Variants in PWP1 observed in about 807,000 individuals in gnomAD.
PWP1 encodes the protein periodic tryptophan protein 1 homolog.
Under a neutral mutation model 69.9 loss-of-function variants are expected in PWP1, and 47 were observed. That is an observed-to-expected ratio of 0.67 (90% CI 0.53 to 0.86). The LOEUF (loss-of-function observed/expected upper bound fraction) is 0.86. PWP1 is among the 40% of genes least tolerant of loss of function. The pLI, the probability that PWP1 is intolerant of heterozygous loss-of-function variation, is 0.00. For missense variants in PWP1, 551 were observed against 608.8 expected, an observed-to-expected ratio of 0.91 and a Z score of 1.00; for synonymous variants, 222 against 208.2, an observed-to-expected ratio of 1.07 and a Z score of -0.57.
intron 8 of PWP1, among the ~76,000 whole-genome samples, chr12:107,700,449 C>G (rs1327472935): frequency 1.3e-5 from 2 of 152,144 alleles, no homozygotes; most frequent in Admixed American, 1.3e-4. Flanking sequence ...TACTTCTTTG[C>G]AACTGGCTTA....
chr12:107,695,051 C>T (rs551907961), intron 5 of PWP1, among the ~76,000 whole-genome samples: 1 of 149,720 alleles, frequency 6.7e-6, no homozygotes, highest in Admixed American at 6.7e-5. Flanking sequence ...TTCAGGAGAT[C>T]GAGACCATCC....
At chr12:107,695,838 T>A (rs1177529888) in intron 5 of PWP1, among the ~76,000 whole-genome samples, 1 of 152,208 alleles carries the variant, frequency 6.6e-6, no homozygotes, top group Non-Finnish European at 1.5e-5. Flanking sequence ...AATAACTACT[T>A]CTTGTAGTTA....
At chr12:107,697,438 A>G in intron 6 of PWP1, 29 bp from the exon 7 acceptor site, 2 of 1,540,718 alleles carry the variant, frequency 1.3e-6, no homozygotes, top group Non-Finnish European at 8.7e-7. Context: ...TTTTTTGTGT[A>G]ATCATACATG....
intron 5 of PWP1, among the ~76,000 whole-genome samples, chr12:107,693,331 A>G (rs897703381): frequency 1.3e-5 from 2 of 151,968 alleles, no homozygotes; most frequent in Non-Finnish European, 2.9e-5. Context: ...GAAATTTTTC[A>G]TAGGGGTGTT....
At position 107,696,696 on chromosome 12, in the gene PWP1, T is replaced by A. The variant is rs1033969227; in HGVS notation, c.613+112T>A. ...TTTCAGAATTGTTGCTGATATTTTC[T>A]GAAGTTACTGTTATTTTATGAAGTT... On this transcript the variant is annotated intron_variant, in intron 6 of 14. Coordinates refer to ENST00000412830, the MANE Select transcript of PWP1 (RefSeq NM_007062.3). The A allele has an allele frequency of 4.1e-6, 6 of 1,480,114 alleles. No homozygotes were observed. The African/African-American group carries it at 7.1e-5, about 17-fold the overall frequency. The allele number at this position is 1,480,114 out of a possible 1,614,324, so 91.7% of individuals were successfully genotyped here. A position where few individuals can be genotyped will look rare whatever the true frequency, so the allele number is the denominator to read the frequency against.
At chr12:107,712,013 T>C in intron 14 of PWP1, 98 bp from the exon 15 acceptor site, 1 of 915,172 alleles carries the variant, frequency 1.1e-6, no homozygotes, top group South Asian at 1.6e-5. Context: ...TTACCATTTA[T>C]AAAGTACTAA....
chr12:107,709,222 A>T lies in PWP1; in HGVS notation c.1280A>T (p.Asp427Val). Residue 427 changes from aspartate (D) to valine (V), a missense_variant, in exon 13 of 15, where the codon GAC becomes GTC. Physicochemically the swap from Asp to Val is radical, Grantham distance 152 (BLOSUM62 -3). Coordinates refer to ENST00000412830, the MANE Select transcript of PWP1 (RefSeq NM_007062.3). ...GDRPSLVHSR[D>V]MKMGVLFCSS... The stretch of plus-strand genomic sequence containing the variant: ...AGGCCAAGTCTAGTTCATTCTAGGG[A>T]CATGAAAATGGTAAGAATCTCCCTG... 6.2e-7 allele frequency: 1 copy of T among 1,613,110 alleles called. No individual in the cohort carries two copies. The highest frequency in any genetic ancestry group is 1.1e-5 in the South Asian group (1 of 90,992).
chr12:107,696,323 G>T, intron 5 of PWP1, 151 bp from the exon 6 acceptor site: 1 of 1,224,456 alleles, frequency 8.2e-7, no homozygotes, highest in Non-Finnish European at 1.1e-6. Context: ...ACGAGCCACT[G>T]CGCCCAGCCT....
chr12:107,703,388 G>A (rs1566081313), intron 9 of PWP1, among the ~76,000 whole-genome samples: 2 of 152,188 alleles, frequency 1.3e-5, no homozygotes, highest in African/African-American at 4.8e-5. Context: ...GGAGCATGGG[G>A]AATTCACCAG....
chr12:107,690,183 AT>A (rs1050321795), intron 3 of PWP1, among the ~76,000 whole-genome samples: 1 of 152,194 alleles, frequency 6.6e-6, no homozygotes, highest in Non-Finnish European at 1.5e-5. Context: ...ACAAAGTAAA[AT>A]CACAACTACC....
At chr12:107,688,972 A>T (rs1482972631) in intron 3 of PWP1, among the ~76,000 whole-genome samples, 170 bp downstream of exon 3, 4 of 152,020 alleles carry the variant, frequency 2.6e-5, no homozygotes, top group African/African-American at 9.7e-5. Flanking sequence ...TAGAAGATAA[A>T]CTCTAACCCA....
At position 107,693,001 on chromosome 12, in the gene PWP1, A is replaced by G. The variant is rs1316986226; in HGVS notation, c.407A>G (p.Glu136Gly). The change falls in exon 5 of 15, where the codon GAA (glutamate) becomes GGA (glycine). Residue 136 changes from glutamate to glycine, a missense_variant and splice_region_variant. Coordinates refer to ENST00000412830, the MANE Select transcript of PWP1 (RefSeq NM_007062.3). ...TGACATTTTTTTCCTCTCACTTAGG[A>G]ACAATATGAACGTGAAGATTTCTTG... ...QDPYVTLKDT[E>G]QYEREDFLIK... The G allele has an allele frequency of 6.8e-6, 11 of 1,614,100 alleles. No homozygotes were observed. The highest frequency in any genetic ancestry group is 8.5e-6 in the Non-Finnish European group (10 of 1,179,990).
intron 4 of PWP1, 43 bp from the exon 5 acceptor site, chr12:107,692,957 G>A: frequency 6.2e-7 from 1 of 1,612,864 alleles, no homozygotes; most frequent in Non-Finnish European, 8.5e-7. Context: ...AACCTTACTG[G>A]CTCTCTGCTT....
intron 3 of PWP1, among the ~76,000 whole-genome samples, chr12:107,690,672 G>A (rs566426707): frequency 7.5e-4 from 114 of 152,160 alleles, no homozygotes; most frequent in African/African-American, 2.7e-3. Context: ...CATGTTGGCC[G>A]GGATGGTCTC....
intron 3 of PWP1, among the ~76,000 whole-genome samples, chr12:107,690,465 C>CT (rs923016145): frequency 3.3e-5 from 5 of 151,994 alleles, no homozygotes; most frequent in Admixed American, 6.6e-5. Flanking sequence ...AAATAATATA[C>CT]TTTTTTTTGT....
chr12:107,696,029 CTTTTTT>C (rs397700499), intron 5 of PWP1, among the ~76,000 whole-genome samples: 1 of 103,752 alleles, frequency 9.6e-6, no homozygotes, highest in South Asian at 3.7e-4. Flanking sequence ...ATATTGGAAT[CTTTTTT>C]TTTTTTTTTT....
intron 9 of PWP1, 117 bp from the exon 10 acceptor site, chr12:107,703,563 TTACTG>T (rs1889755242): frequency 1.2e-6 from 1 of 820,006 alleles, no homozygotes; most frequent in African/African-American, 1.7e-5. Context: ...TTTCTTTTGT[TTACTG>T]TATTTCAGAG....
At chr12:107,699,007 T>C (rs1889650545) in intron 7 of PWP1, among the ~76,000 whole-genome samples, 1 of 152,198 alleles carries the variant, frequency 6.6e-6, no homozygotes, top group African/African-American at 2.4e-5. Flanking sequence ...CTCACACCTG[T>C]AATCCCAACA....
At chr12:107,699,174 G>A (rs1049059468) in intron 7 of PWP1, among the ~76,000 whole-genome samples, 199 bp from the exon 8 acceptor site, 9 of 152,096 alleles carry the variant, frequency 5.9e-5, no homozygotes, top group Admixed American at 2.0e-4. Flanking sequence ...CAGGAGAATC[G>A]CTTGAATCCA....
Sources: allele counts gnomAD v4.1 joint callset (sites outside exome capture counted in the v4.1 genomes callset), GRCh38; gene constraint gnomAD v4.1.1; transcripts MANE v1.5; gene names NCBI Gene and HGNC (gene_info 2026-07-23, HGNC 2026-07-21).